SYNE1: variants seen among roughly 807,000 people sequenced by gnomAD.
The protein encoded by SYNE1 is spectrin repeat containing nuclear envelope protein 1, also known as nesprin-1.
A neutral mutation model predicts 1,111.0 loss-of-function variants in SYNE1; 616 were observed. The observed-to-expected ratio is 0.55, with a 90% CI of 0.52 to 0.59. The LOEUF (loss-of-function observed/expected upper bound fraction) is 0.59, where lower values mean the gene tolerates loss of function less well. Ranked by LOEUF, SYNE1 falls within the 20% of genes least tolerant of loss-of-function variation. The pLI, the probability that SYNE1 is intolerant of heterozygous loss-of-function variation, is 0.00. For missense variants in SYNE1, 10,006 were observed against 10,417.0 expected (o/e 0.96, Z 1.72); for synonymous variants, 3,855 against 3,825.8 (o/e 1.01, Z -0.28).
chr6:152,428,222 C>G lies in SYNE1; in HGVS notation c.4959G>C (p.Leu1653=), dbSNP rs752986299. 4 of 1,613,650 alleles carry G rather than the reference C, an allele frequency of 2.5e-6. No homozygotes were observed. In the Admixed American group the frequency reaches 6.7e-5, roughly 27 times the overall value. Residue 1653 remains leucine (L), a synonymous_variant, in exon 37 of 146, where the codon CTG becomes CTC. Coordinates refer to ENST00000367255, the MANE Select transcript of SYNE1 (RefSeq NM_182961.4). The part of the protein sequence containing the change: ...AKERQTALEN[L]LAHWQRLEKE... ...CTGCTCACCTCTGCCAGTGGGCCAG[C>G]AGATTCTCCAGCGCCGTCTGTCTCT...
chr6:152,421,615 T>C (rs2098260973), intron 39 of SYNE1, among the ~76,000 whole-genome samples: 1 of 152,024 alleles, frequency 6.6e-6, no homozygotes, highest in Admixed American at 6.5e-5. Context: ...CTGAATTGTT[T>C]CCTGGCCGCA....
chr6:152,585,206 TG>T (rs1387398954), intron 3 of SYNE1, among the ~76,000 whole-genome samples: 9 of 151,810 alleles, frequency 5.9e-5, no homozygotes, highest in African/African-American at 2.2e-4. Flanking sequence ...CTGCCATGAC[TG>T]TTAAGTTTCC....
chr6:152,376,318 AT>A, intron 58 of SYNE1, 62 bp downstream of exon 58: 1 of 1,584,226 alleles, frequency 6.3e-7, no homozygotes, highest in Non-Finnish European at 8.7e-7. Flanking sequence ...GGGACCCTTG[AT>A]TTAGAGGTTA....
chr6:152,613,445 A>T (rs1030715264), intron 3 of SYNE1, among the ~76,000 whole-genome samples: 10 of 152,190 alleles, frequency 6.6e-5, no homozygotes, highest in African/African-American at 2.4e-4. Flanking sequence ...CTTACAAGGG[A>T]TGTGAAGGAC....
chr6:152,535,615 G>A (rs562156115), intron 4 of SYNE1, among the ~76,000 whole-genome samples: 99 of 152,260 alleles, frequency 6.5e-4, no homozygotes, highest in African/African-American at 2.3e-3. Flanking sequence ...AATCAAGGGT[G>A]TTTAAATAAA....
intron 3 of SYNE1, among the ~76,000 whole-genome samples, chr6:152,593,059 A>G (rs754484812): frequency 3.3e-5 from 5 of 152,202 alleles, no homozygotes; most frequent in African/African-American, 9.7e-5. Context: ...TCAATGTTTA[A>G]TATGAGAAGT....
At chr6:152,208,630 T>C (rs1196562527) in intron 124 of SYNE1, among the ~76,000 whole-genome samples, 1 of 152,204 alleles carries the variant, frequency 6.6e-6, no homozygotes, top group East Asian at 1.9e-4. Flanking sequence ...GAACAAGGCT[T>C]ATGTAGAACC....
intron 91 of SYNE1, 176 bp from the exon 92 acceptor site, chr6:152,302,239 C>A: frequency 1.2e-6 from 1 of 843,014 alleles, no homozygotes; most frequent in South Asian, 1.5e-5. Flanking sequence ...AGACCGCAGG[C>A]TGCGCGGCGC....
At chr6:152,184,565 AT>A (rs1415387628) in intron 128 of SYNE1, among the ~76,000 whole-genome samples, 4 of 151,822 alleles carry the variant, frequency 2.6e-5, no homozygotes, top group Admixed American at 6.6e-5. Flanking sequence ...TAAGTTTTAA[AT>A]TTTTTTTCCT....
chr6:152,246,250 G>C (rs1219109938), intron 105 of SYNE1, among the ~76,000 whole-genome samples: 1 of 151,838 alleles, frequency 6.6e-6, no homozygotes. Flanking sequence ...TATGCCTTTC[G>C]ATGACATGAA....
At chr6:152,432,542 T>G (rs1468522736) in intron 34 of SYNE1, among the ~76,000 whole-genome samples, 1 of 152,126 alleles carries the variant, frequency 6.6e-6, no homozygotes, top group Admixed American at 6.6e-5. Context: ...TGAATATATA[T>G]TTTAAGAAAA....
rs1447298812 is a variant in SYNE1 at position 152,122,780 on chromosome 6, C to T, written c.26154-104G>A. ...GGAAGCTAAAGGGCCATGCCAAGCA[C>T]ACCCCAGCCTGGCGATCAGCTGCCA... On this transcript the variant is annotated intron_variant, in intron 145 of 145. Transcript: ENST00000367255. 2.6e-6 allele frequency: 4 copies of T among 1,564,752 alleles called. No individual in the cohort carries two copies. The South Asian group carries it at 3.4e-5, about 13-fold the overall frequency.
At chr6:152,507,913 T>C (rs943246592) in intron 8 of SYNE1, among the ~76,000 whole-genome samples, 2 of 152,332 alleles carry the variant, frequency 1.3e-5, no homozygotes, top group East Asian at 3.9e-4. Context: ...ATTTCTCAAA[T>C]ATTTTTAAAC....
At chr6:152,406,961 A>G in intron 45 of SYNE1, 53 bp downstream of exon 45, 1 of 1,407,020 alleles carries the variant, frequency 7.1e-7, no homozygotes, top group South Asian at 1.6e-5. Flanking sequence ...TTTTTTTCAT[A>G]TTCTGGTCAA....
intron 142 of SYNE1, 80 bp downstream of exon 142, chr6:152,135,024 A>G (rs1349308606): frequency 1.3e-6 from 2 of 1,592,650 alleles, no homozygotes; most frequent in Admixed American, 1.7e-5. Context: ...AACAACACTT[A>G]CCACTTATAT....
chr6:152,262,441 A>G (rs1351153396), intron 100 of SYNE1, among the ~76,000 whole-genome samples: 1 of 152,254 alleles, frequency 6.6e-6, no homozygotes, highest in African/African-American at 2.4e-5. Flanking sequence ...AACATTTGGA[A>G]TAAAAAATTA....
intron 127 of SYNE1, among the ~76,000 whole-genome samples, chr6:152,195,843 G>GGAGCCTGCAAATAGCAGGTGAAGGA (rs57572896): frequency 6.6e-6 from 1 of 152,048 alleles, no homozygotes; most frequent in African/African-American, 2.4e-5. Flanking sequence ...CAAGGCCCTA[G>GGAGCCTGCAAATAGCAGGTGAAGGA]GCCATACAGG....
chr6:152,406,918 A>G, intron 45 of SYNE1, 96 bp downstream of exon 45: 1 of 919,724 alleles, frequency 1.1e-6, no homozygotes, highest in Non-Finnish European at 1.5e-6. Context: ...ATAAAAGTTA[A>G]AAGAAGAATA....
At position 152,358,538 on chromosome 6, in the gene SYNE1, C is replaced by T; in HGVS notation, c.10444-1G>A. 1 of 1,613,952 alleles carries T rather than the reference C, an allele frequency of 6.2e-7. No individual in the cohort carries two copies. Among genetic ancestry groups the T allele is most frequent in the Non-Finnish European group, 8.5e-7 (1 of 1,179,954 alleles). ...GTTTTTCAGACTTGGTTACGGCTTC[C>T]TATAATTAGCATTTAAAATAATGAA... On this transcript the variant is annotated splice_acceptor_variant, in intron 65 of 145. Transcript: ENST00000367255. LOFTEE classifies it high-confidence loss of function.
Sources: gnomAD v4.1 joint callset for allele counts (sites outside exome capture counted in the v4.1 genomes callset) on GRCh38, gnomAD v4.1.1 for gene constraint, MANE v1.5 for transcripts, NCBI Gene and HGNC (gene_info 2026-07-23, HGNC 2026-07-21) for gene names.